Variants in ADAMTS17 observed in about 807,000 individuals in gnomAD.
The protein encoded by ADAMTS17 is ADAM metallopeptidase with thrombospondin type 1 motif 17, also known as A disintegrin and metalloproteinase with thrombospondin motifs 17.
ADAMTS17 carries 113 observed loss-of-function variants against 141.5 expected under a neutral mutation model. The ratio of observed to expected loss-of-function variants is 0.80; its 90% CI spans 0.69 to 0.93. The LOEUF (loss-of-function observed/expected upper bound fraction) is 0.93, where lower values mean the gene tolerates loss of function less well. ADAMTS17 is among the 40% of genes least tolerant of loss of function. The pLI is 0.00. For missense variants in ADAMTS17, 1,659 were observed against 1,517.9 expected (o/e 1.09, Z -1.54); for synonymous variants, 768 against 630.6 (o/e 1.22, Z -3.27).
intron 4 of ADAMTS17, among the ~76,000 whole-genome samples, chr15:100,263,042 G>A (rs989409566): frequency 1.3e-5 from 2 of 152,138 alleles, no homozygotes; most frequent in Non-Finnish European, 2.9e-5. Context: ...TATAGATAAA[G>A]CTAAGCTGGA....
chr15:100,274,503 C>A (rs547424275), intron 4 of ADAMTS17, among the ~76,000 whole-genome samples: 2 of 152,290 alleles, frequency 1.3e-5, no homozygotes, highest in Admixed American at 6.5e-5. Flanking sequence ...CTTTTGGTTA[C>A]AATTAGCATG....
intron 3 of ADAMTS17, among the ~76,000 whole-genome samples, chr15:100,287,984 T>C (rs1252604487): frequency 6.6e-6 from 1 of 152,192 alleles, no homozygotes; most frequent in East Asian, 1.9e-4. Flanking sequence ...AGCAACATGA[T>C]GACAGGAAGA....
chr15:100,322,813 C>T (rs925849435), intron 3 of ADAMTS17, among the ~76,000 whole-genome samples: 2 of 152,270 alleles, frequency 1.3e-5, no homozygotes, highest in African/African-American at 4.8e-5. Flanking sequence ...ATTGGCCAGG[C>T]GTGGTGGCTC....
At chr15:100,146,505 G>A (rs560010015) in intron 10 of ADAMTS17, among the ~76,000 whole-genome samples, 24 of 152,250 alleles carry the variant, frequency 1.6e-4, no homozygotes, top group Middle Eastern at 3.4e-3. Flanking sequence ...GATGTATGTC[G>A]TCTCAGGACC....
At chr15:100,325,427 T>G (rs559539228) in intron 3 of ADAMTS17, among the ~76,000 whole-genome samples, 2 of 152,206 alleles carry the variant, frequency 1.3e-5, no homozygotes, top group African/African-American at 4.8e-5. Flanking sequence ...GACGGAGACA[T>G]GCAGAGAGAT....
chr15:100,291,201 C>CT (rs1399917785), intron 3 of ADAMTS17, among the ~76,000 whole-genome samples: 1 of 152,174 alleles, frequency 6.6e-6, no homozygotes, highest in Non-Finnish European at 1.5e-5. Context: ...GGAACAGATA[C>CT]TTTTCAAAAG....
intron 12 of ADAMTS17, among the ~76,000 whole-genome samples, chr15:100,127,185 C>A (rs767098420): frequency 6.6e-6 from 1 of 152,120 alleles, no homozygotes. Flanking sequence ...ATAGTCCACT[C>A]GGAACCTGCA....
chr15:100,139,794 GA>G (rs2038530929), intron 10 of ADAMTS17, among the ~76,000 whole-genome samples: 1 of 152,140 alleles, frequency 6.6e-6, no homozygotes, highest in Admixed American at 6.5e-5. Flanking sequence ...GGTCATGAAA[GA>G]AAAGGAAAGG....
chr15:100,255,600 A>C (rs2043298404), intron 6 of ADAMTS17, among the ~76,000 whole-genome samples: 1 of 144,712 alleles, frequency 6.9e-6, no homozygotes, highest in African/African-American at 2.6e-5. Flanking sequence ...ACCCTTCCCA[A>C]TTCTCGTGTT....
At position 100,262,222 on chromosome 15, in the gene ADAMTS17, G is replaced by A. The variant is rs28448376; in HGVS notation, c.873+130C>T. The A allele has an allele frequency of 0.036, 29,320 of 814,012 alleles. 2,529 individuals carry two copies. Among genetic ancestry groups the A allele is most frequent in the African/African-American group, 0.28 (16,269 of 58,242 alleles). The allele number at this position is 814,012 out of a possible 1,614,324, so 50.4% of individuals were successfully genotyped here. ...GTACTGATGCCGGCTTTCCTCTCAC[G>A]CTGGCAAAGCCACAGAGAGTGACGG... On this transcript the variant is annotated intron_variant, in intron 5 of 21. Coordinates refer to ENST00000268070, the MANE Select transcript of ADAMTS17 (RefSeq NM_139057.4).
intron 4 of ADAMTS17, among the ~76,000 whole-genome samples, chr15:100,263,346 C>G (rs987698509): frequency 6.6e-6 from 1 of 152,194 alleles, no homozygotes; most frequent in Non-Finnish European, 1.5e-5. Flanking sequence ...TGGCTTGATT[C>G]AAACTCAGCC....
intron 8 of ADAMTS17, among the ~76,000 whole-genome samples, chr15:100,195,634 AAAG>A (rs1478735674): frequency 6.7e-6 from 1 of 149,928 alleles, no homozygotes; most frequent in African/African-American, 2.5e-5. Context: ...AAAAAAAAAA[AAAG>A]AAGCTGTCAA....
intron 18 of ADAMTS17, among the ~76,000 whole-genome samples, chr15:100,012,701 T>G (rs1469485279): frequency 1.3e-5 from 2 of 152,196 alleles, no homozygotes; most frequent in Non-Finnish European, 2.9e-5. Context: ...CTGTAAGTAT[T>G]TGGGTTTATT....
At chr15:100,320,474 C>T (rs537531141) in intron 3 of ADAMTS17, among the ~76,000 whole-genome samples, 1 of 152,296 alleles carries the variant, frequency 6.6e-6, no homozygotes, top group East Asian at 1.9e-4. Flanking sequence ...GAACACAGTA[C>T]AATAGTATCT....
At chr15:100,161,189 C>A (rs912627486) in intron 8 of ADAMTS17, among the ~76,000 whole-genome samples, 1 of 152,168 alleles carries the variant, frequency 6.6e-6, no homozygotes, top group Admixed American at 6.5e-5. Context: ...ACACAAAGCA[C>A]ACCGTGCGGC....
chr15:100,037,080 G>C (rs1231963891), intron 18 of ADAMTS17, among the ~76,000 whole-genome samples: 1 of 152,152 alleles, frequency 6.6e-6, no homozygotes, highest in Non-Finnish European at 1.5e-5. Context: ...CATAGTACTG[G>C]AATTGCTGAT....
intron 6 of ADAMTS17, among the ~76,000 whole-genome samples, chr15:100,258,952 G>GAA (rs35350975): frequency 1.3e-5 from 2 of 151,792 alleles, no homozygotes; most frequent in African/African-American, 4.8e-5. Flanking sequence ...ATTGCCTCTG[G>GAA]AAAAAAAATG....
intron 18 of ADAMTS17, among the ~76,000 whole-genome samples, chr15:100,028,251 C>A (rs1371260322): frequency 6.6e-6 from 1 of 152,192 alleles, no homozygotes; most frequent in Non-Finnish European, 1.5e-5. Context: ...GCCTTCTTTT[C>A]AAAAATGCAT....
At chr15:100,174,338 C>G (rs2040262207) in intron 8 of ADAMTS17, among the ~76,000 whole-genome samples, 1 of 150,938 alleles carries the variant, frequency 6.6e-6, no homozygotes, top group Non-Finnish European at 1.5e-5. Flanking sequence ...GATAGTCTGC[C>G]CTGACAGGGA....
Sources: gnomAD v4.1 joint callset for allele counts (sites outside exome capture counted in the v4.1 genomes callset) on GRCh38, gnomAD v4.1.1 for gene constraint, MANE v1.5 for transcripts, NCBI Gene and HGNC (gene_info 2026-07-23, HGNC 2026-07-21) for gene names.